C21orf58: variants seen among roughly 807,000 people sequenced by gnomAD.
C21orf58 encodes the protein chromosome 21 open reading frame 58.
Under a neutral mutation model 35.8 loss-of-function variants are expected in C21orf58, and 34 were observed. That is an observed-to-expected ratio of 0.95 (90% confidence interval 0.72 to 1.26). The LOEUF (loss-of-function observed/expected upper bound fraction) is 1.26, where lower values mean the gene tolerates loss of function less well. Ranked by LOEUF, C21orf58 falls within the 50% of genes most tolerant of loss-of-function variation. The probability of loss-of-function intolerance (pLI) is 0.00; values close to 1 mark genes in which losing one functional copy is unlikely to be tolerated. For missense variants in C21orf58, 440 were observed against 414.3 expected, an observed-to-expected ratio of 1.06 and a Z score of -0.54; for synonymous variants, 191 against 175.8, an observed-to-expected ratio of 1.09 and a Z score of -0.68.
At chr21:46,307,272 A>G (rs1014877112) in intron 6 of C21orf58, among the ~76,000 whole-genome samples, 1 of 152,160 alleles carries the variant, frequency 6.6e-6, no homozygotes, top group Non-Finnish European at 1.5e-5. Context: ...TCAGCCTCCC[A>G]AAGTGCTGGG....
intron 7 of C21orf58, 60 bp from the exon 8 acceptor site, chr21:46,302,214 C>T (rs1327281326): frequency 1.2e-5 from 17 of 1,433,716 alleles, no homozygotes; most frequent in Admixed American, 5.7e-5. Flanking sequence ...CCTCCACTCC[C>T]GCCCTGTTCC....
intron 1 of C21orf58, among the ~76,000 whole-genome samples, chr21:46,319,879 A>G (rs1429654862): frequency 7.2e-5 from 11 of 152,186 alleles, no homozygotes; most frequent in Admixed American, 2.0e-4. Flanking sequence ...CCTGGGCAAC[A>G]AGAGCAAAAC....
At chr21:46,314,962 C>A in intron 4 of C21orf58, 82 bp from the exon 5 acceptor site, 1 of 1,550,300 alleles carries the variant, frequency 6.5e-7, no homozygotes, top group Non-Finnish European at 8.7e-7. Flanking sequence ...CAGGCTCAGG[C>A]CAGCCTGGGC....
intron 6 of C21orf58, among the ~76,000 whole-genome samples, chr21:46,303,983 C>T (rs2082298642): frequency 1.4e-5 from 2 of 142,564 alleles, no homozygotes; most frequent in Non-Finnish European, 3.0e-5. Context: ...GATCTCCTGA[C>T]CTCATGATCC....
In C21orf58 at chr21:46,301,216, A is replaced by T; in HGVS notation, c.*783T>A. 1 of 408,704 alleles carries T rather than the reference A, an allele frequency of 2.4e-6. No individual in the cohort carries two copies. Among genetic ancestry groups the T allele is most frequent in the Non-Finnish European group, 3.3e-6 (1 of 302,858 alleles). The allele number at this position is 408,704 out of a possible 1,614,324, so 25.3% of individuals were successfully genotyped here. On this transcript the variant is annotated 3_prime_UTR_variant, in exon 8 of 8. Transcript: ENST00000291691. ...TAGTGCAGTGGTTCCATCAGAGCTC[A>T]CTGCAGCTTCTAACTCCTGGGCTCA...
At chr21:46,303,708 A>AATATATATATAT (rs1356861977) in intron 6 of C21orf58, among the ~76,000 whole-genome samples, 6 of 37,262 alleles carry the variant, frequency 1.6e-4, no homozygotes, top group African/African-American at 2.1e-4. Context: ...ACACACACAA[A>AATATATATATAT]ATATATATAT....
intron 1 of C21orf58, chr21:46,322,245 C>T (rs2083188641): frequency 6.2e-6 from 1 of 161,708 alleles, no homozygotes; most frequent in Non-Finnish European, 1.3e-5. Context: ...GGTGGTCTCA[C>T]CACTGCACTC....
At position 46,302,071 on chromosome 21, in the gene C21orf58, A is replaced by ATGGTGGTGG. The variant is rs71318063; in HGVS notation, c.888_896dup (p.His297_His299dup). Reference sequence around the variant, plus strand: ...TGGCAGCCCCAGGTGGCCACACAGCATGGTGGTGGTGGTGGTGGTGGTGCA... The same window carrying ATGGTGGTGG: ...TGGCAGCCCCAGGTGGCCACACAGCATGGTGGTGGTGGTGGTGGTGGTGGTGGTGGTGCA... On this transcript the variant is annotated inframe_insertion, in exon 8 of 8. Transcript: ENST00000291691. 47 of 1,506,750 alleles carry ATGGTGGTGG rather than the reference A, an allele frequency of 3.1e-5. No homozygotes were observed. The highest frequency in any genetic ancestry group is 1.3e-4 in the East Asian group (5 of 39,280). The allele number at this position is 1,506,750 out of a possible 1,614,324, so 93.3% of individuals were successfully genotyped here. A position where few individuals can be genotyped will look rare whatever the true frequency, so the allele number is the denominator to read the frequency against.
At chr21:46,316,167 A>C (rs1278417527) in intron 3 of C21orf58, among the ~76,000 whole-genome samples, 1 of 151,978 alleles carries the variant, frequency 6.6e-6, no homozygotes, top group East Asian at 1.9e-4. Context: ...ATAAAAAAAA[A>C]AAATCTGGCC....
chr21:46,302,458 T>A, intron 7 of C21orf58, 27 bp downstream of exon 7: 7 of 1,553,316 alleles, frequency 4.5e-6, no homozygotes, highest in Non-Finnish European at 6.2e-6. Context: ...TTCCTTGGCC[T>A]AGGGTTCTGC....
chr21:46,321,413 C>T (rs1033093606), intron 1 of C21orf58, among the ~76,000 whole-genome samples: 8 of 152,148 alleles, frequency 5.3e-5, no homozygotes, highest in African/African-American at 1.9e-4. Flanking sequence ...TAACTGAAGT[C>T]CACACTTTGA....
At position 46,319,965 on chromosome 21, in the gene C21orf58, A is replaced by T. The variant is rs80334016; in HGVS notation, c.101-1745T>A. On this transcript the variant is annotated intron_variant, in intron 1 of 7. Transcript: ENST00000291691. ...ATAAAAGAACCTGGCTCTTGTCCAC[A>T]GTCATTAACAGTGACAGTCTTGGGA... is the stretch of plus-strand genomic sequence containing the variant. Among the ~76,000 whole-genome samples the T allele has an allele frequency of 1.3e-3, 200 of 152,306 alleles. 1 individual carries two copies. Among genetic ancestry groups the T allele is most frequent in the African/African-American group, 4.5e-3 (187 of 41,566 alleles).
intron 1 of C21orf58, 68 bp downstream of exon 1, chr21:46,322,570 GC>G (rs2083208217): frequency 7.2e-7 from 1 of 1,396,812 alleles, no homozygotes; most frequent in Admixed American, 2.9e-5. Context: ...TGAGCCCACT[GC>G]CCAGAGTTTG....
Position 46,314,803 on chromosome 21 carries a change from C to T in C21orf58, c.522G>A (p.Leu174=). ...TGCCCGTGGGGGGCAGCTCTGGGGGCAGGGCTGACCCGAGGGCTCCTCTGC... is the reference window on the plus strand; with the variant it reads ...TGCCCGTGGGGGGCAGCTCTGGGGGTAGGGCTGACCCGAGGGCTCCTCTGC... ...GPSRGALGSA[L]PPELPPTGIL... The change falls in exon 5 of 8, where the codon CTG becomes CTA. Residue 174 remains leucine, a synonymous_variant. Transcript: ENST00000291691. The T allele has an allele frequency of 6.5e-7, 1 of 1,544,522 alleles. No homozygotes were observed. Among genetic ancestry groups the T allele is most frequent in the African/African-American group, 1.4e-5 (1 of 73,088 alleles).
chr21:46,313,145 C>A, intron 5 of C21orf58: 1 of 772,756 alleles, frequency 1.3e-6, no homozygotes, highest in Non-Finnish European at 1.6e-6. Flanking sequence ...TTGAGTTGGC[C>A]ATTGCAGCAT....
chr21:46,306,874 C>T (rs905282900), intron 6 of C21orf58, among the ~76,000 whole-genome samples: 3 of 151,838 alleles, frequency 2.0e-5, no homozygotes, highest in Non-Finnish European at 4.4e-5. Flanking sequence ...AGGTGTGAGC[C>T]GCTGTGCCCG....
At chr21:46,320,590 C>T (rs1276191912) in intron 1 of C21orf58, 1 of 151,400 alleles carries the variant, frequency 6.6e-6, no homozygotes, top group Non-Finnish European at 1.5e-5. Context: ...ATACTGCACC[C>T]ACCCAGATAA....
intron 2 of C21orf58, among the ~76,000 whole-genome samples, chr21:46,317,601 C>T (rs558019191): frequency 2.0e-5 from 3 of 152,202 alleles, no homozygotes; most frequent in Non-Finnish European, 2.9e-5. Context: ...CCTAGATCAC[C>T]CCCCACCTGA....
intron 6 of C21orf58, among the ~76,000 whole-genome samples, chr21:46,308,306 C>A (rs2082516407): frequency 6.6e-6 from 1 of 151,866 alleles, no homozygotes; most frequent in South Asian, 2.1e-4. Flanking sequence ...ACTAAAAATA[C>A]AAAAATCAGC....
Sources: gnomAD v4.1 joint callset for allele counts (sites outside exome capture counted in the v4.1 genomes callset) on GRCh38, gnomAD v4.1.1 for gene constraint, MANE v1.5 for transcripts, NCBI Gene and HGNC (gene_info 2026-07-23, HGNC 2026-07-21) for gene names.